Variants in APOB observed in about 807,000 individuals in gnomAD.
The protein encoded by APOB is apolipoprotein B.
A neutral mutation model predicts 314.1 loss-of-function variants in APOB; 153 were observed. The observed-to-expected ratio is 0.49, with a 90% CI of 0.43 to 0.56. APOB has a LOEUF of 0.56. APOB is among the 20% of genes least tolerant of loss of function. The probability of loss-of-function intolerance (pLI) is 0.00; values close to 1 mark genes in which losing one functional copy is unlikely to be tolerated. For synonymous variants in APOB, 2,087 were observed against 2,036.4 expected (o/e 1.02, Z -0.67); for missense variants, 5,430 against 5,350.7 (o/e 1.01, Z -0.46).
chr2:21,040,727 C>T (rs992884460), intron 4 of APOB, among the ~76,000 whole-genome samples: 1 of 152,136 alleles, frequency 6.6e-6, no homozygotes, highest in African/African-American at 2.4e-5. Context: ...TTTTTAGAAA[C>T]ACATGAAAAT....
rs1048145717 is a variant in APOB, at chr2:21,011,931, C to A, written c.4937G>T (p.Arg1646Met). Reference protein sequence around the residue: ...INSGAHKATLRIGQDGISTSA... With the variant: ...INSGAHKATLMIGQDGISTSA... ...GGTAGATATTCCATCTTGGCCAATCCTTAGTGTCGCCTTGTGAGCACCACT... is the reference window on the plus strand; with the variant it reads ...GGTAGATATTCCATCTTGGCCAATCATTAGTGTCGCCTTGTGAGCACCACT... The change falls in exon 26 of 29, where the codon AGG (arginine) becomes ATG (methionine). Residue 1646 changes from arginine (R) to methionine (M), a missense_variant. Transcript: ENST00000233242. 6.2e-7 allele frequency: 1 copy of A among 1,614,046 alleles called. No homozygotes were observed. Among genetic ancestry groups the A allele is most frequent in the Non-Finnish European group, 8.5e-7 (1 of 1,180,040 alleles).
chr2:21,016,689 G>A (rs1447327757), intron 20 of APOB, 40 bp from the exon 21 acceptor site: 1 of 1,408,794 alleles, frequency 7.1e-7, no homozygotes, highest in Non-Finnish European at 1.0e-6. Context: ...TGTGTGGTAA[G>A]AAGCTATGTT....
rs745401772 is a variant in APOB, at chr2:21,013,513, G to C, written c.3863C>G (p.Thr1288Ser). 1 of 1,614,172 alleles carries C rather than the reference G, an allele frequency of 6.2e-7. No individual in the cohort carries two copies. Among genetic ancestry groups the C allele is most frequent in the African/African-American group, 1.3e-5 (1 of 75,038 alleles). ...FLKSDGRVKYTLNKNSLKIEI... is the reference protein window; with the variant it reads ...FLKSDGRVKYSLNKNSLKIEI... ...AATTTTCAAACTGTTCTTGTTCAAG[G>C]TATATTTGACCCGGCCATCGCTGAA... The change falls in exon 25 of 29, where the codon ACC (threonine) becomes AGC (serine). Residue 1288 changes from threonine (T) to serine (S), a missense_variant. This residue lies in a region of APOB where 2,085 missense variants were observed against 2,079.7 expected (regional missense o/e 1.00). Coordinates refer to ENST00000233242, the MANE Select transcript of APOB (RefSeq NM_000384.3).
chr2:21,042,401 C>G lies in APOB; in HGVS notation c.197G>C (p.Gly66Ala). 6.2e-7 allele frequency: 1 copy of G among 1,614,090 alleles called. No homozygotes were observed. Among genetic ancestry groups the G allele is most frequent in the Non-Finnish European group, 8.5e-7 (1 of 1,180,028 alleles). ...YEAESSSGVP[G>A]TADSRSATRI... is the part of the protein sequence containing the mutation. Reference sequence around the variant, plus strand: ...GGTGGCACTTCTTGAATCAGCAGTCCCAGGGACTCCACTGGAACTCTCAGC... The same window carrying G: ...GGTGGCACTTCTTGAATCAGCAGTCGCAGGGACTCCACTGGAACTCTCAGC... The change falls in exon 3 of 29, where the codon GGG (glycine) becomes GCG (alanine). Residue 66 changes from glycine to alanine, a missense_variant. Gly to Ala is a moderately conservative substitution (Grantham distance 60). Coordinates refer to ENST00000233242, the MANE Select transcript of APOB (RefSeq NM_000384.3).
Position 21,014,522 on chromosome 2 carries a change from A to G in APOB, c.3768T>C (p.Asn1256=), listed in dbSNP as rs1341925701. 15 of 1,614,088 alleles carry G rather than the reference A, an allele frequency of 9.3e-6. No homozygotes were observed. The highest frequency in any genetic ancestry group is 1.3e-5 in the Non-Finnish European group (15 of 1,179,990). ...TCTGGAGGTTGAACTCCTTCAGGCT[A>G]TTGAGGTGGTCTTGCAAAGTCTGGG... is the stretch of plus-strand genomic sequence containing the variant. ...PYTQTLQDHL[N]SLKEFNLQNM... The change falls in exon 24 of 29, where the codon AAT becomes AAC. Residue 1256 remains asparagine, a synonymous_variant. Coordinates refer to ENST00000233242, the MANE Select transcript of APOB (RefSeq NM_000384.3).
chr2:21,027,079 C>G lies in APOB; in HGVS notation c.2068-115G>C, dbSNP rs1663749170. The G allele has an allele frequency of 2.1e-5, 19 of 921,844 alleles. 1 individual carries two copies. The South Asian group carries it at 2.6e-4, about 13-fold the overall frequency. The allele number at this position is 921,844 out of a possible 1,614,324, so 57.1% of individuals were successfully genotyped here. On this transcript the variant is annotated intron_variant, in intron 14 of 28. Transcript: ENST00000233242. Reference sequence around the variant, plus strand: ...AAACAAGTATTTGAATACCACAGGCCAGGAGCTGACCTTAGCATTTCACAG... The same window carrying G: ...AAACAAGTATTTGAATACCACAGGCGAGGAGCTGACCTTAGCATTTCACAG...
intron 25 of APOB, 22 bp downstream of exon 25, chr2:21,013,138 C>A: frequency 1.2e-6 from 2 of 1,612,842 alleles, no homozygotes; most frequent in Non-Finnish European, 1.7e-6. Context: ...CCCGGTGCAC[C>A]CTTTACCTGA....
Position 21,005,181 on chromosome 2 carries a change from G to A in APOB, c.11687C>T (p.Ala3896Val), listed in dbSNP as rs759708973. Residue 3896 changes from alanine (A) to valine (V), a missense_variant, in exon 26 of 29, where the codon GCC (alanine) becomes GTC (valine). Physicochemically the swap from Ala to Val is moderately conservative, Grantham distance 64. This residue lies in a region of APOB where 3,281 missense variants were observed against 3,171.0 expected (regional missense o/e 1.03). Transcript: ENST00000233242. Reference sequence around the variant, plus strand: ...GTTTTTCAAACTGGCACTCCAAGTGGCATTATACACGGGAGAGTCTACCTC... The same window carrying A: ...GTTTTTCAAACTGGCACTCCAAGTGACATTATACACGGGAGAGTCTACCTC... ...RFEVDSPVYNATWSASLKNKA... is the reference protein window; with the variant it reads ...RFEVDSPVYNVTWSASLKNKA... The A allele has an allele frequency of 2.5e-6, 4 of 1,614,046 alleles. No homozygotes were observed. The highest frequency in any genetic ancestry group is 2.2e-5 in the South Asian group (2 of 91,074).
chr2:21,032,041 T>C (rs1663894846), intron 10 of APOB, among the ~76,000 whole-genome samples: 1 of 152,364 alleles, frequency 6.6e-6, no homozygotes, highest in East Asian at 1.9e-4. Context: ...GTATATGTGA[T>C]AAAGCAAATA....
chr2:21,021,730 C>T (rs1484880711), intron 18 of APOB, among the ~76,000 whole-genome samples: 1 of 152,218 alleles, frequency 6.6e-6, no homozygotes, highest in Non-Finnish European at 1.5e-5. Flanking sequence ...ACACAGTCCT[C>T]AGTTATCAGG....
At position 21,025,032 on chromosome 2, in the gene APOB, G is replaced by A; in HGVS notation, c.2337C>T (p.Ile779=). The A allele has an allele frequency of 6.2e-7, 1 of 1,614,260 alleles. No homozygotes were observed. The change falls in exon 16 of 29, where the codon ATC becomes ATT. Residue 779 remains isoleucine (I), a synonymous_variant. Coordinates refer to ENST00000233242, the MANE Select transcript of APOB (RefSeq NM_000384.3). ...TGGCAAAACCAAGCTCCTCTCCCAA[G>A]ATGCGGAGGTAGGCTCTGGCTTCCG... The part of the protein sequence containing the change: ...EVPEARAYLR[I]LGEELGFASL...
At chr2:21,042,815 C>G (rs1432325130) in intron 2 of APOB, among the ~76,000 whole-genome samples, 3 of 151,732 alleles carry the variant, frequency 2.0e-5, no homozygotes. Context: ...AGTACTATCT[C>G]TAATGCTTTT....
Position 21,012,594 on chromosome 2 carries a change from G to C in APOB, c.4274C>G (p.Ser1425Cys). The change falls in exon 26 of 29, where the codon TCT becomes TGT. Residue 1425 changes from serine (S) to cysteine (C), a missense_variant. This residue lies in a region of APOB where 2,085 missense variants were observed against 2,079.7 expected (regional missense o/e 1.00). Transcript: ENST00000233242. The stretch of plus-strand genomic sequence containing the variant: ...CGAATCTAGAAATTTGTGGCGTAGA[G>C]ACCCATCACATGATAGTGTGAACGT... ...KNTFTLSCDGSLRHKFLDSNI... is the reference protein window; with the variant it reads ...KNTFTLSCDGCLRHKFLDSNI... The C allele has an allele frequency of 6.2e-7, 1 of 1,613,330 alleles. No homozygotes were observed.
rs1663010472 is a variant in APOB at position 21,002,450 on chromosome 2, A to G, written c.12972T>C (p.Tyr4324=). 1.2e-6 allele frequency: 2 copies of G among 1,604,036 alleles called. No homozygotes were observed. The highest frequency in any genetic ancestry group is 8.5e-7 in the Non-Finnish European group (1 of 1,173,160). The change falls in exon 29 of 29, where the codon TAT becomes TAC. Residue 4324 remains tyrosine, a synonymous_variant. Coordinates refer to ENST00000233242, the MANE Select transcript of APOB (RefSeq NM_000384.3). ...TCTCATCTTGGATATAATTAATAAGATAAGTAAATTTCATCTCTTTCAGCT... is the reference window on the plus strand; with the variant it reads ...TCTCATCTTGGATATAATTAATAAGGTAAGTAAATTTCATCTCTTTCAGCT... ...IKQLKEMKFT[Y]LINYIQDEIN...
chr2:21,016,809 C>T (rs1020168741), intron 20 of APOB, among the ~76,000 whole-genome samples, 160 bp from the exon 21 acceptor site: 3 of 151,764 alleles, frequency 2.0e-5, no homozygotes, highest in Non-Finnish European at 2.9e-5. Context: ...ATGGTGAAAC[C>T]CCGTCTCTAC....
chr2:21,010,690 A>G lies in APOB; in HGVS notation c.6178T>C (p.Tyr2060His), dbSNP rs1663288672. 1 of 1,614,056 alleles carries G rather than the reference A, an allele frequency of 6.2e-7. No homozygotes were observed. The highest frequency in any genetic ancestry group is 1.7e-5 in the Admixed American group (1 of 60,002). ...GAGTGAACATCTTGGTTTTTATCATACTTTACAAAAGCAACAATTGTAAAT... is the reference window on the plus strand; with the variant it reads ...GAGTGAACATCTTGGTTTTTATCATGCTTTACAAAAGCAACAATTGTAAAT... ...QEFTIVAFVKYDKNQDVHSIN... is the reference protein window; with the variant it reads ...QEFTIVAFVKHDKNQDVHSIN... Residue 2060 changes from tyrosine (Y) to histidine (H), a missense_variant, in exon 26 of 29, where the codon TAT (tyrosine) becomes CAT (histidine). By Grantham distance (83) the Tyr-to-His change is moderately conservative. Around this residue, in one of 3 missense-constraint regions of APOB, gnomAD observed 3,281 missense variants for 3,171.0 expected, o/e 1.03. Transcript: ENST00000233242.
intron 10 of APOB, 147 bp from the exon 11 acceptor site, chr2:21,030,162 G>T (rs566660571): frequency 1.5e-6 from 1 of 656,596 alleles, no homozygotes; most frequent in East Asian, 2.7e-5. Flanking sequence ...TAAGCAAAAA[G>T]AACATAGCTG....
At chr2:21,034,230 G>T (rs911228562) in intron 8 of APOB, among the ~76,000 whole-genome samples, 2 of 152,120 alleles carry the variant, frequency 1.3e-5, no homozygotes, top group South Asian at 4.1e-4. Context: ...AATATTCTGC[G>T]GCCTTGACTA....
chr2:21,036,415 G>A (rs1292101778), intron 6 of APOB, among the ~76,000 whole-genome samples: 5 of 152,220 alleles, frequency 3.3e-5, no homozygotes, highest in Non-Finnish European at 5.9e-5. Context: ...ACCAGGAACA[G>A]CGCCCAGCAT....
Sources: gnomAD v4.1 joint callset for allele counts (sites outside exome capture counted in the v4.1 genomes callset) on GRCh38, gnomAD v4.1.1 for gene constraint, gnomAD v4.1.1 regional missense constraint, MANE v1.5 for transcripts, NCBI Gene and HGNC (gene_info 2026-07-23, HGNC 2026-07-21) for gene names.